GNB4: variants seen among roughly 807,000 people sequenced by gnomAD.
The protein encoded by GNB4 is G protein subunit beta 4, also known as guanine nucleotide-binding protein subunit beta-4.
Under a neutral mutation model 45.2 loss-of-function variants are expected in GNB4, and 28 were observed. The ratio of observed to expected loss-of-function variants is 0.62; its 90% CI spans 0.46 to 0.85. The LOEUF (loss-of-function observed/expected upper bound fraction) is 0.85. Ranked by LOEUF, GNB4 falls within the 40% of genes least tolerant of loss-of-function variation. The pLI, the probability that GNB4 is intolerant of heterozygous loss-of-function variation, is 0.00. For synonymous variants in GNB4, 132 were observed against 143.7 expected (o/e 0.92, Z 0.58); for missense variants, 321 against 425.4 (o/e 0.75, Z 2.16).
chr3:179,467,481 A>G, the GNB4 span, among the ~76,000 whole-genome samples: 1 of 152,202 alleles, frequency 6.6e-6, no homozygotes, highest in Admixed American at 6.5e-5. Context: ...CAGGCACTAC[A>G]CTAGACTCTG....
chr3:179,431,327 C>T (rs1577036173), intron 1 of GNB4, among the ~76,000 whole-genome samples: 1 of 152,046 alleles, frequency 6.6e-6, no homozygotes, highest in Non-Finnish European at 1.5e-5. Context: ...GAGGCCGAGG[C>T]GGGTGGATCA....
chr3:179,462,558 GC>G, the GNB4 span, among the ~76,000 whole-genome samples: 1 of 152,100 alleles, frequency 6.6e-6, no homozygotes. Flanking sequence ...TAATTGGTTG[GC>G]CGGGCATGGT....
chr3:179,445,237 GA>G (rs2108621124), intron 1 of GNB4, among the ~76,000 whole-genome samples: 1 of 152,122 alleles, frequency 6.6e-6, no homozygotes, highest in East Asian at 1.9e-4. Flanking sequence ...CTAAAAGTAA[GA>G]GAGTAGAAAC....
chr3:179,434,676 A>T (rs1156586772), intron 1 of GNB4, among the ~76,000 whole-genome samples: 3 of 151,748 alleles, frequency 2.0e-5, no homozygotes, highest in Non-Finnish European at 2.9e-5. Flanking sequence ...AGCTGAGATC[A>T]CACCCCTCCA....
At chr3:179,450,491 T>G (rs1715840112) in intron 1 of GNB4, among the ~76,000 whole-genome samples, 1 of 152,158 alleles carries the variant, frequency 6.6e-6, no homozygotes, top group Non-Finnish European at 1.5e-5. Flanking sequence ...TAAGAAAACT[T>G]CCCGCTAAGC....
intron 2 of GNB4, 41 bp downstream of exon 2, chr3:179,426,103 T>C (rs781554173): frequency 6.6e-7 from 1 of 1,506,564 alleles, no homozygotes; most frequent in Non-Finnish European, 9.1e-7. Flanking sequence ...AGATTCCTGG[T>C]ACTAAATAAG....
intron 1 of GNB4, among the ~76,000 whole-genome samples, chr3:179,429,368 C>G (rs1715238165): frequency 6.6e-6 from 1 of 152,204 alleles, no homozygotes; most frequent in Non-Finnish European, 1.5e-5. Flanking sequence ...CATCATCACA[C>G]CATGCTACTC....
chr3:179,502,272 C>T, the GNB4 span, among the ~76,000 whole-genome samples: 7 of 114,728 alleles, frequency 6.1e-5, no homozygotes, highest in Non-Finnish European at 8.2e-5. Flanking sequence ...TTTGCTCTGT[C>T]GCCCAGGCTG....
chr3:179,434,332 G>GA (rs1203169803), intron 1 of GNB4, among the ~76,000 whole-genome samples: 1 of 151,426 alleles, frequency 6.6e-6, no homozygotes, highest in Non-Finnish European at 1.5e-5. Flanking sequence ...ATATTGGGAG[G>GA]AAAAAAAAGC....
At chr3:179,493,713 A>T in the GNB4 span, among the ~76,000 whole-genome samples, 1 of 152,180 alleles carries the variant, frequency 6.6e-6, no homozygotes. Context: ...CCTCTGTGCC[A>T]TGAAAACCAA....
chr3:179,489,252 TA>T, the GNB4 span, among the ~76,000 whole-genome samples: 3 of 151,602 alleles, frequency 2.0e-5, no homozygotes, highest in East Asian at 5.8e-4. Flanking sequence ...TAGAATAGAA[TA>T]AAATATATCA....
intron 1 of GNB4, among the ~76,000 whole-genome samples, chr3:179,435,585 G>A (rs534351609): frequency 6.6e-6 from 1 of 152,000 alleles, no homozygotes; most frequent in South Asian, 2.1e-4. Context: ...TCTTCAAAGT[G>A]GCATTAACAT....
chr3:179,468,204 AC>A, the GNB4 span, among the ~76,000 whole-genome samples: 2 of 150,964 alleles, frequency 1.3e-5, no homozygotes, highest in African/African-American at 4.9e-5. Context: ...TCTCTAAAAA[AC>A]AAAAACAAGA....
At position 179,415,660 on chromosome 3, in the gene GNB4, C is replaced by T. The variant is rs529042526; in HGVS notation, c.268-613G>A. 7.9e-5 allele frequency among the ~76,000 whole-genome samples: 12 copies of T among 152,264 alleles called. No homozygotes were observed. In the East Asian group the frequency reaches 1.5e-3, roughly 20 times the overall value. On this transcript the variant is annotated intron_variant, in intron 5 of 9. Coordinates refer to ENST00000232564, the MANE Select transcript of GNB4 (RefSeq NM_021629.4). Reference sequence around the variant, plus strand: ...GGAAAAAAGGTGTATGAGAATACCACGGCTAAACAGTCCATACAGGGAATC... The same window carrying T: ...GGAAAAAAGGTGTATGAGAATACCATGGCTAAACAGTCCATACAGGGAATC...
chr3:179,433,068 C>A (rs6774135), intron 1 of GNB4, among the ~76,000 whole-genome samples: 27,398 of 151,812 alleles, frequency 0.18, 3,101 homozygotes, highest in East Asian at 0.35. Context: ...GGCAGTAAAC[C>A]AAAAAAATCA....
intron 2 of GNB4, among the ~76,000 whole-genome samples, chr3:179,422,625 A>G (rs976363632): frequency 6.6e-6 from 1 of 152,216 alleles, no homozygotes; most frequent in Non-Finnish European, 1.5e-5. Context: ...AATCAAAGAC[A>G]TAACAATTAC....
At chr3:179,411,789 T>C (rs1714660949) in intron 8 of GNB4, among the ~76,000 whole-genome samples, 1 of 152,340 alleles carries the variant, frequency 6.6e-6, no homozygotes, top group Non-Finnish European at 1.5e-5. Flanking sequence ...AAAAGTGACT[T>C]TCAATAAGTG....
chr3:179,508,644 A>T, the GNB4 span, among the ~76,000 whole-genome samples: 251 of 152,210 alleles, frequency 1.6e-3, 1 homozygote, highest in African/African-American at 5.7e-3. Context: ...TCCCTAATTT[A>T]AAAAAATTGA....
chr3:179,526,011 A>C, the GNB4 span, among the ~76,000 whole-genome samples: 2 of 152,188 alleles, frequency 1.3e-5, no homozygotes. Flanking sequence ...GTGAGCAACA[A>C]GGCTGTTTAT....
Sources: allele counts gnomAD v4.1 joint callset (sites outside exome capture counted in the v4.1 genomes callset), GRCh38; gene constraint gnomAD v4.1.1; transcripts MANE v1.5; gene names NCBI Gene and HGNC (gene_info 2026-07-23, HGNC 2026-07-21).